Variants in EXOC4 observed in about 807,000 individuals in gnomAD.
EXOC4 encodes exocyst complex component 4.
Under a neutral mutation model 107.2 loss-of-function variants are expected in EXOC4, and 71 were observed. The ratio of observed to expected loss-of-function variants is 0.66; its 90% CI spans 0.55 to 0.81. The LOEUF is 0.81. EXOC4 is among the 30% of genes least tolerant of loss of function. The pLI is 0.00. For synonymous variants in EXOC4, 456 were observed against 441.2 expected (o/e 1.03, Z -0.42); for missense variants, 1,108 against 1,189.6 (o/e 0.93, Z 1.01).
chr7:133,576,965 T>A, intron 9 of EXOC4: 1 of 862,220 alleles, frequency 1.2e-6, no homozygotes, highest in Non-Finnish European at 1.6e-6. Context: ...TGAGTGAGAG[T>A]GAGAAAGATA....
intron 9 of EXOC4, among the ~76,000 whole-genome samples, chr7:133,628,370 T>C (rs1221830160): frequency 6.6e-6 from 1 of 152,216 alleles, no homozygotes; most frequent in African/African-American, 2.4e-5. Flanking sequence ...GCGGGGCCTT[T>C]ATAGCTAAAC....
chr7:133,370,680 T>A (rs377694007), intron 6 of EXOC4, among the ~76,000 whole-genome samples: 1 of 152,196 alleles, frequency 6.6e-6, no homozygotes, highest in Admixed American at 6.5e-5. Context: ...CCAGCTTGAC[T>A]TTTCCCTTTG....
At chr7:134,031,319 A>T (rs1795266434) in intron 17 of EXOC4, among the ~76,000 whole-genome samples, 1 of 152,218 alleles carries the variant, frequency 6.6e-6, no homozygotes, top group Non-Finnish European at 1.5e-5. Context: ...ATAAGAGCAA[A>T]AACTGAGAGC....
chr7:133,362,234 A>G (rs1280480770), intron 6 of EXOC4, among the ~76,000 whole-genome samples: 3 of 152,270 alleles, frequency 2.0e-5, no homozygotes, highest in African/African-American at 4.8e-5. Flanking sequence ...TAGTACTTAT[A>G]TAGTCTCATT....
intron 2 of EXOC4, among the ~76,000 whole-genome samples, chr7:133,281,331 A>G (rs550421364): frequency 1.3e-5 from 2 of 150,720 alleles, no homozygotes; most frequent in Non-Finnish European, 3.0e-5. Context: ...TCAATAAAAT[A>G]CATAATAAAA....
intron 7 of EXOC4, among the ~76,000 whole-genome samples, chr7:133,391,012 T>C (rs556807067): frequency 1.6e-4 from 24 of 152,356 alleles, no homozygotes; most frequent in Non-Finnish European, 3.2e-4. Flanking sequence ...AGTAAGATTA[T>C]ATAGAAAATC....
chr7:133,312,667 TGTGTGAC>T (rs1005891347), intron 4 of EXOC4, among the ~76,000 whole-genome samples: 5 of 152,012 alleles, frequency 3.3e-5, no homozygotes, highest in African/African-American at 9.7e-5. Context: ...ATTTTTGTGT[TGTGTGAC>T]GTGGGGGGTG....
intron 10 of EXOC4, among the ~76,000 whole-genome samples, chr7:133,812,682 C>T (rs1797263300): frequency 1.3e-5 from 2 of 151,856 alleles, no homozygotes; most frequent in Admixed American, 6.6e-5. Flanking sequence ...AATACATATA[C>T]GTTGTGGGAT....
chr7:133,283,457 A>G (rs1794204888), intron 2 of EXOC4, among the ~76,000 whole-genome samples: 1 of 152,166 alleles, frequency 6.6e-6, no homozygotes. Context: ...GTTGATGGAC[A>G]CTTACGCTGC....
At chr7:133,443,645 G>T (rs1798154041) in intron 7 of EXOC4, among the ~76,000 whole-genome samples, 1 of 152,176 alleles carries the variant, frequency 6.6e-6, no homozygotes, top group Non-Finnish European at 1.5e-5. Flanking sequence ...CCTCCTGGGG[G>T]CATCAGTGGG....
chr7:133,838,907 C>G (rs953047864), intron 11 of EXOC4, among the ~76,000 whole-genome samples: 3 of 152,130 alleles, frequency 2.0e-5, no homozygotes, highest in African/African-American at 7.2e-5. Flanking sequence ...GGCTTGCAGG[C>G]TGTAGTTTGC....
At chr7:133,964,048 A>G (rs1267973053) in intron 14 of EXOC4, among the ~76,000 whole-genome samples, 1 of 151,998 alleles carries the variant, frequency 6.6e-6, no homozygotes, top group African/African-American at 2.4e-5. Context: ...TTATGTATGT[A>G]TGCCCCTGTG....
chr7:133,795,765 A>G (rs1796800610), intron 10 of EXOC4, among the ~76,000 whole-genome samples: 1 of 152,250 alleles, frequency 6.6e-6, no homozygotes, highest in Non-Finnish European at 1.5e-5. Context: ...GCAGAGGAGT[A>G]GAAAAGCATC....
intron 5 of EXOC4, among the ~76,000 whole-genome samples, chr7:133,342,871 T>C (rs1483657235): frequency 5.3e-5 from 8 of 152,196 alleles, no homozygotes; most frequent in Non-Finnish European, 1.2e-4. Flanking sequence ...CCAGAGGTTG[T>C]GATTGATTGT....
intron 10 of EXOC4, among the ~76,000 whole-genome samples, chr7:133,716,785 C>T (rs865870827): frequency 2.0e-4 from 31 of 151,982 alleles, no homozygotes; most frequent in African/African-American, 6.8e-4. Flanking sequence ...TACTAAAATA[C>T]AAAAATTAGC....
chr7:133,287,548 C>T (rs1425607148), intron 2 of EXOC4, among the ~76,000 whole-genome samples: 5 of 152,034 alleles, frequency 3.3e-5, no homozygotes, highest in Non-Finnish European at 5.9e-5. Flanking sequence ...CTCCTGACCT[C>T]GTGATCCACC....
intron 10 of EXOC4, among the ~76,000 whole-genome samples, chr7:133,724,642 A>G (rs995966759): frequency 6.6e-6 from 1 of 152,236 alleles, no homozygotes; most frequent in Admixed American, 6.5e-5. Flanking sequence ...TACAGATAAT[A>G]GATCATTTGG....
chr7:134,087,055 G>A, the EXOC4 span, among the ~76,000 whole-genome samples: 1 of 152,128 alleles, frequency 6.6e-6, no homozygotes, highest in Non-Finnish European at 1.5e-5. Context: ...TTTATGACCT[G>A]TATCTTGTGC....
In EXOC4 at chr7:133,578,879, C is replaced by T. The variant is rs548975147; in HGVS notation, c.1418-51166C>T. Among the ~76,000 whole-genome samples the T allele has an allele frequency of 9.2e-5, 14 of 152,244 alleles. No homozygotes were observed. In the South Asian group the frequency reaches 2.9e-3, roughly 32 times the overall value. On this transcript the variant is annotated intron_variant, in intron 9 of 17. Transcript: ENST00000253861. ...AATCATGAAAAAATAAAATACAACT[C>T]TTTGAGGTAGCTAGGGCAAAATGAC...
Sources: gnomAD v4.1 joint callset for allele counts (sites outside exome capture counted in the v4.1 genomes callset) on GRCh38, gnomAD v4.1.1 for gene constraint, MANE v1.5 for transcripts, NCBI Gene and HGNC (gene_info 2026-07-23, HGNC 2026-07-21) for gene names.